Variants in TMEM132D observed in about 807,000 individuals in gnomAD.
TMEM132D encodes the protein transmembrane protein 132D.
A neutral mutation model predicts 62.3 loss-of-function variants in TMEM132D; 21 were observed. That is an observed-to-expected ratio of 0.34 (90% CI 0.24 to 0.49). TMEM132D has a LOEUF of 0.49. TMEM132D is among the 20% of genes least tolerant of loss of function. TMEM132D has a pLI of 0.99. For missense variants in TMEM132D, 1,346 were observed against 1,402.8 expected (o/e 0.96, Z 0.65); for synonymous variants, 621 against 575.6 (o/e 1.08, Z -1.13).
At chr12:129,480,034 A>G (rs1488774437) in intron 3 of TMEM132D, among the ~76,000 whole-genome samples, 568 of 121,468 alleles carry the variant, frequency 4.7e-3, no homozygotes, top group Non-Finnish European at 7.6e-3. Flanking sequence ...AGATTTGAAG[A>G]AAGTTCTCAC....
intron 3 of TMEM132D, among the ~76,000 whole-genome samples, chr12:129,395,545 C>G (rs1298829266): frequency 6.6e-6 from 1 of 151,810 alleles, no homozygotes; most frequent in African/African-American, 2.4e-5. Flanking sequence ...AAAGGGATAA[C>G]AACAAAAATG....
At chr12:129,399,880 C>T (rs190085846) in intron 3 of TMEM132D, among the ~76,000 whole-genome samples, 17 of 148,048 alleles carry the variant, frequency 1.1e-4, no homozygotes, top group South Asian at 4.3e-4. Context: ...TGTGTGTGTG[C>T]GTGTGTGTGT....
At chr12:129,385,207 G>A (rs1165008970) in intron 3 of TMEM132D, among the ~76,000 whole-genome samples, 1 of 146,802 alleles carries the variant, frequency 6.8e-6, no homozygotes, top group Non-Finnish European at 1.5e-5. Context: ...CCGGGTTCAA[G>A]CCATTCTCCT....
Position 129,586,279 on chromosome 12 carries a change from ACTTCAAGGCCAC to A in TMEM132D, c.969-55086_969-55075del, listed in dbSNP as rs559766993. Among the ~76,000 whole-genome samples, 970 of 151,046 alleles carry A rather than the reference ACTTCAAGGCCAC, an allele frequency of 6.4e-3. 9 individuals are homozygous for A. The highest frequency in any genetic ancestry group is 0.022 in the African/African-American group (889 of 40,418). On this transcript the variant is annotated intron_variant, in intron 2 of 8. Transcript: ENST00000422113. ...AGTCACGACTTCCATCCTGTGGCCA[ACTTCAAGGCCAC>A]CTTCAAGGCCACCTTCAAGGCCATC...
rs2292723 is a variant in TMEM132D at position 129,071,915 on chromosome 12, T to C, written c.*1960A>G. 0.21 allele frequency: 32,371 copies of C among 152,068 alleles called. 3,787 individuals carry two copies. The highest frequency in any genetic ancestry group is 0.25 in the Middle Eastern group (74 of 292). The allele number at this position is 152,068 out of a possible 1,614,324, so 9.4% of individuals were successfully genotyped here. On this transcript the variant is annotated 3_prime_UTR_variant, in exon 9 of 9. Transcript: ENST00000422113. ...CGTTACTGAAAGCAAAGGATTCTCA[T>C]TGAAAAGGGGTGACAGCTTAATCAC...
At chr12:129,847,573 C>T (rs1185705764) in intron 1 of TMEM132D, among the ~76,000 whole-genome samples, 3 of 152,152 alleles carry the variant, frequency 2.0e-5, no homozygotes, top group Admixed American at 6.5e-5. Context: ...GCTCAAAAGG[C>T]ATTTCCGAAT....
intron 4 of TMEM132D, among the ~76,000 whole-genome samples, chr12:129,318,728 C>T (rs1051483453): frequency 2.0e-5 from 3 of 152,016 alleles, no homozygotes; most frequent in African/African-American, 4.8e-5. Context: ...AGGGAAGGAC[C>T]ATTAGGTGGG....
At chr12:129,357,684 A>G (rs1870118726) in intron 3 of TMEM132D, among the ~76,000 whole-genome samples, 1 of 111,912 alleles carries the variant, frequency 8.9e-6, no homozygotes, top group African/African-American at 3.0e-5. Context: ...AAAGAAAGAG[A>G]GAGAGAGAGA....
intron 1 of TMEM132D, among the ~76,000 whole-genome samples, chr12:129,708,621 A>AAC (rs1881560444): frequency 1.1e-5 from 1 of 91,394 alleles, no homozygotes; most frequent in Non-Finnish European, 2.1e-5. Flanking sequence ...AAAAAAAAAA[A>AAC]AAAAAAAAAA....
chr12:129,440,268 C>G (rs1872902750), intron 3 of TMEM132D, among the ~76,000 whole-genome samples: 1 of 152,066 alleles, frequency 6.6e-6, no homozygotes, highest in Admixed American at 6.6e-5. Context: ...AACACTTCCT[C>G]AAAAGGGGCA....
At position 129,716,774 on chromosome 12, in the gene TMEM132D, G is replaced by A. The variant is rs147049590; in HGVS notation, c.80-16076C>T. On this transcript the variant is annotated intron_variant, in intron 1 of 8. Coordinates refer to ENST00000422113, the MANE Select transcript of TMEM132D (RefSeq NM_133448.3). ...GGAAGAGGGAGGTAGGAGTGGAGCC[G>A]GGACCTACAAAGCTATGAGATAAAA... 5.0e-4 allele frequency among the ~76,000 whole-genome samples: 76 copies of A among 152,218 alleles called. No homozygotes were observed. In the East Asian group the frequency reaches 0.013, roughly 26 times the overall value.
intron 3 of TMEM132D, among the ~76,000 whole-genome samples, chr12:129,504,863 C>A (rs1875281106): frequency 6.6e-6 from 1 of 152,134 alleles, no homozygotes; most frequent in South Asian, 2.1e-4. Context: ...TATGAACTTT[C>A]CCCTTAGCAC....
chr12:129,823,136 C>T (rs769537150), intron 1 of TMEM132D, among the ~76,000 whole-genome samples: 2 of 152,242 alleles, frequency 1.3e-5, no homozygotes, highest in East Asian at 1.9e-4. Flanking sequence ...GATGTGCCTA[C>T]TCCTCCTTTT....
chr12:129,404,476 C>T (rs977302361), intron 3 of TMEM132D, among the ~76,000 whole-genome samples: 7 of 152,296 alleles, frequency 4.6e-5, no homozygotes, highest in Admixed American at 6.5e-5. Context: ...GGATTACAGG[C>T]GTGAGCCACC....
In TMEM132D at chr12:129,282,978, C is replaced by T. The variant is rs138782144; in HGVS notation, c.1299+54656G>A. Among the ~76,000 whole-genome samples, 51 of 152,226 alleles carry T rather than the reference C, an allele frequency of 3.4e-4. 1 individual carries two copies. In the East Asian group the frequency reaches 7.9e-3, roughly 24 times the overall value. ...CCAGAATGCATGAGTTTTCTGGGTA[C>T]GACAGGATAAAGAACTTCTGATTCC... On this transcript the variant is annotated intron_variant, in intron 4 of 8. Transcript: ENST00000422113.
chr12:129,839,117 A>ATTTTGT (rs1873098225), intron 1 of TMEM132D, among the ~76,000 whole-genome samples: 1 of 20,704 alleles, frequency 4.8e-5, no homozygotes, highest in African/African-American at 1.8e-4. Context: ...CGCCTGGCTA[A>ATTTTGT]TTTTTTTTTT....
At chr12:129,475,309 A>C (rs1205333653) in intron 3 of TMEM132D, among the ~76,000 whole-genome samples, 2 of 152,182 alleles carry the variant, frequency 1.3e-5, no homozygotes, top group Non-Finnish European at 2.9e-5. Context: ...ACCTTACTGG[A>C]CCACAGTGAG....
intron 4 of TMEM132D, among the ~76,000 whole-genome samples, chr12:129,266,329 G>T (rs964112905): frequency 1.3e-5 from 2 of 151,946 alleles, no homozygotes; most frequent in African/African-American, 4.8e-5. Context: ...TGTGGATCAG[G>T]ACTTGGCTCT....
chr12:129,700,153 C>T lies in TMEM132D; in HGVS notation c.625G>A (p.Val209Ile), dbSNP rs1366703999. Residue 209 changes from valine to isoleucine, a missense_variant, in exon 2 of 9, where the codon GTT (valine) becomes ATT (isoleucine). Physicochemically the swap from Val to Ile is conservative, Grantham distance 29. Transcript: ENST00000422113. The part of the protein sequence containing the change: ...LSSWFSPPTV[V>I]AGRRKSVDQP... The stretch of plus-strand genomic sequence containing the variant: ...TCCACGGACTTCCTCCTCCCGGCAA[C>T]CACCGTGGGGGGGCTGAACCAGCTG... 1.9e-6 allele frequency: 3 copies of T among 1,613,176 alleles called. No homozygotes were observed. The highest frequency in any genetic ancestry group is 2.2e-5 in the East Asian group (1 of 44,856).
Sources: allele counts gnomAD v4.1 joint callset (sites outside exome capture counted in the v4.1 genomes callset), GRCh38; gene constraint gnomAD v4.1.1; transcripts MANE v1.5; gene names NCBI Gene and HGNC (gene_info 2026-07-23, HGNC 2026-07-21).